ZFAT: variants seen among roughly 807,000 people sequenced by gnomAD.
ZFAT encodes the protein zinc finger and AT-hook domain containing, also known as zinc finger protein ZFAT.
In ZFAT, 64 loss-of-function variants were observed where a neutral mutation model predicts 117.7. The ratio of observed to expected loss-of-function variants is 0.54; its 90% CI spans 0.44 to 0.67. The LOEUF is 0.67. Ranked by LOEUF, ZFAT falls within the 30% of genes least tolerant of loss-of-function variation. The probability of loss-of-function intolerance (pLI) is 0.00; values close to 1 mark genes in which losing one functional copy is unlikely to be tolerated. For missense variants in ZFAT, 1,433 were observed against 1,584.5 expected (o/e 0.90, Z 1.62); for synonymous variants, 679 against 615.0 (o/e 1.10, Z -1.54).
At chr8:134,827,871 T>C in the ZFAT span, among the ~76,000 whole-genome samples, 5 of 151,896 alleles carry the variant, frequency 3.3e-5, no homozygotes, top group African/African-American at 4.8e-5. Context: ...ACATTGGGAA[T>C]AGAAAAATTA....
upstream of ZFAT, among the ~76,000 whole-genome samples, chr8:134,715,692 C>T (rs888121725): frequency 5.3e-5 from 8 of 152,258 alleles, no homozygotes; most frequent in South Asian, 4.1e-4. Flanking sequence ...TAGAAGAGAG[C>T]GGCTTCCCAG....
intron 11 of ZFAT, among the ~76,000 whole-genome samples, chr8:134,548,646 C>T (rs1822883422): frequency 6.6e-6 from 1 of 152,150 alleles, no homozygotes; most frequent in South Asian, 2.1e-4. Flanking sequence ...TGCTGGCAGG[C>T]ACTTTGGGAA....
chr8:134,712,229 T>G (rs1478225480), intron 1 of ZFAT, among the ~76,000 whole-genome samples: 1 of 152,218 alleles, frequency 6.6e-6, no homozygotes, highest in Non-Finnish European at 1.5e-5. Flanking sequence ...TCTGAACTTC[T>G]GTTCCTCATA....
chr8:134,702,577 C>G (rs556731664), intron 1 of ZFAT, among the ~76,000 whole-genome samples: 2 of 152,166 alleles, frequency 1.3e-5, no homozygotes, highest in African/African-American at 4.8e-5. Context: ...TGTTGCCTAC[C>G]CCCAAGTAAA....
the ZFAT span, among the ~76,000 whole-genome samples, chr8:134,743,794 G>C: frequency 6.6e-6 from 1 of 152,306 alleles, no homozygotes; most frequent in African/African-American, 2.4e-5. Context: ...ACAGCGAGAA[G>C]AGAACCCACT....
Position 134,483,684 on chromosome 8 carries a change from T to C in ZFAT, c.3493-4963A>G, listed in dbSNP as rs114477683. Among the ~76,000 whole-genome samples the C allele has an allele frequency of 1.6e-3, 245 of 152,308 alleles. 1 individual carries two copies. The highest frequency in any genetic ancestry group is 5.7e-3 in the African/African-American group (239 of 41,568). ...ATTAGCAGCAGCATAGATAGCTCGA[T>C]AGAAACCCTTAACCCCTGGGACGCA... is the stretch of plus-strand genomic sequence containing the variant. On this transcript the variant is annotated intron_variant, in intron 15 of 15. Coordinates refer to ENST00000377838, the MANE Select transcript of ZFAT (RefSeq NM_020863.4).
intron 1 of ZFAT, among the ~76,000 whole-genome samples, chr8:134,706,871 A>C (rs1346450773): frequency 1.3e-5 from 2 of 151,018 alleles, no homozygotes; most frequent in Admixed American, 6.6e-5. Flanking sequence ...GCATGTATAT[A>C]GTACGCCAAA....
chr8:134,497,103 C>T (rs146799366), intron 15 of ZFAT, among the ~76,000 whole-genome samples: 1 of 152,340 alleles, frequency 6.6e-6, no homozygotes, highest in East Asian at 1.9e-4. Flanking sequence ...TTGAAACATC[C>T]CACCATGAAG....
the ZFAT span, among the ~76,000 whole-genome samples, chr8:134,817,379 C>A: frequency 2.0e-4 from 23 of 115,148 alleles, no homozygotes; most frequent in Non-Finnish European, 5.5e-5. Flanking sequence ...ATCAATCTCT[C>A]TGTCTCTCTC....
chr8:134,554,414 C>A (rs1823409529), intron 11 of ZFAT, among the ~76,000 whole-genome samples: 1 of 152,218 alleles, frequency 6.6e-6, no homozygotes, highest in South Asian at 2.1e-4. Flanking sequence ...GGATAGGTCG[C>A]TATGCTAGAG....
At position 134,602,522 on chromosome 8, in the gene ZFAT, C is replaced by T; in HGVS notation, c.1197G>A (p.Lys399=). The part of the protein sequence containing the change: ...DELCLMTREG[K]RQLLYDCHIC... ...TGTGGCAGTCATAGAGCAGCTGCCG[C>T]TTGCCCTCCCTCGTCATCAGGCAGA... Residue 399 remains lysine, a synonymous_variant, in exon 6 of 16, where the codon AAG becomes AAA. Transcript: ENST00000377838. The T allele has an allele frequency of 6.2e-7, 1 of 1,613,984 alleles. No individual in the cohort carries two copies. The highest frequency in any genetic ancestry group is 1.1e-5 in the South Asian group (1 of 91,084).
chr8:134,548,091 T>C (rs1000358652), intron 11 of ZFAT, among the ~76,000 whole-genome samples: 2 of 152,196 alleles, frequency 1.3e-5, no homozygotes, highest in Non-Finnish European at 2.9e-5. Context: ...TACTTCCACC[T>C]GGAAGTTGGC....
upstream of ZFAT, among the ~76,000 whole-genome samples, chr8:134,713,532 G>C (rs1024349026): frequency 1.3e-5 from 2 of 152,144 alleles, no homozygotes; most frequent in East Asian, 3.9e-4. Flanking sequence ...GGGTTTTAGG[G>C]GCTACAGAGC....
intron 1 of ZFAT, among the ~76,000 whole-genome samples, chr8:134,687,385 A>C (rs1390851029): frequency 6.6e-6 from 1 of 152,216 alleles, no homozygotes; most frequent in Non-Finnish European, 1.5e-5. Flanking sequence ...TTGCATTATA[A>C]TTTTATGCAT....
the ZFAT span, among the ~76,000 whole-genome samples, chr8:134,759,510 A>C: frequency 6.6e-6 from 1 of 152,190 alleles, no homozygotes; most frequent in South Asian, 2.1e-4. Flanking sequence ...AGTTTATAGC[A>C]AATCAAACCT....
At chr8:134,587,308 G>A (rs939056032) in intron 9 of ZFAT, among the ~76,000 whole-genome samples, 2 of 152,122 alleles carry the variant, frequency 1.3e-5, no homozygotes, top group Non-Finnish European at 2.9e-5. Context: ...CAAAAAAGTA[G>A]CTTCCAACCT....
the ZFAT span, among the ~76,000 whole-genome samples, chr8:134,817,868 A>G: frequency 1.3e-5 from 2 of 152,216 alleles, no homozygotes; most frequent in African/African-American, 4.8e-5. Flanking sequence ...AAATAGAACT[A>G]CTACATATAT....
In ZFAT at chr8:134,600,475, T is replaced by C. The variant is rs1435724876; in HGVS notation, c.2436A>G (p.Lys812=). Residue 812 remains lysine (K), a synonymous_variant, in exon 7 of 16, where the codon AAA becomes AAG. Coordinates refer to ENST00000377838, the MANE Select transcript of ZFAT (RefSeq NM_020863.4). ...TDGCDYSTPD[K]YKLQAHLKVH... Reference sequence around the variant, plus strand: ...CTTTAAGATGTGCCTGTAGCTTATATTTATCTGGAGTTGAGTAGTCACAGC... The same window carrying C: ...CTTTAAGATGTGCCTGTAGCTTATACTTATCTGGAGTTGAGTAGTCACAGC... The C allele has an allele frequency of 4.3e-6, 7 of 1,614,130 alleles. No individual in the cohort carries two copies. Among genetic ancestry groups the C allele is most frequent in the South Asian group, 2.2e-5 (2 of 91,094 alleles).
At chr8:134,649,517 G>A (rs970301944) in intron 2 of ZFAT, among the ~76,000 whole-genome samples, 1 of 152,012 alleles carries the variant, frequency 6.6e-6, no homozygotes, top group African/African-American at 2.4e-5. Flanking sequence ...AAAATTGCAG[G>A]ATAAAATATC....
Sources: gnomAD v4.1 joint callset for allele counts (sites outside exome capture counted in the v4.1 genomes callset) on GRCh38, gnomAD v4.1.1 for gene constraint, MANE v1.5 for transcripts, NCBI Gene and HGNC (gene_info 2026-07-23, HGNC 2026-07-21) for gene names.